NIPSNAP1: variants seen among roughly 807,000 people sequenced by gnomAD.
NIPSNAP1 encodes the protein protein NipSnap homolog 1.
A neutral mutation model predicts 49.2 loss-of-function variants in NIPSNAP1; 25 were observed. That is an observed-to-expected ratio of 0.51 (90% CI 0.37 to 0.71). The LOEUF is 0.71. Ranked by LOEUF, NIPSNAP1 falls within the 30% of genes least tolerant of loss-of-function variation. The pLI, the probability that NIPSNAP1 is intolerant of heterozygous loss-of-function variation, is 0.00. For missense variants in NIPSNAP1, 294 were observed against 361.0 expected (o/e 0.81, Z 1.50); for synonymous variants, 143 against 140.7 (o/e 1.02, Z -0.12).
Position 29,561,183 on chromosome 22 carries a change from C to A in NIPSNAP1, c.599G>T (p.Trp200Leu). 3 of 1,613,550 alleles carry A rather than the reference C, an allele frequency of 1.9e-6. No homozygotes were observed. Among genetic ancestry groups the A allele is most frequent in the Non-Finnish European group, 2.5e-6 (3 of 1,179,716 alleles). Reference sequence around the variant, plus strand: ...TGCTGCCACTTACCAGTTGTTCCCCCACTCGATCATGGTTCCTGGCTGAAA... The same window carrying A: ...TGCTGCCACTTACCAGTTGTTCCCCAACTCGATCATGGTTCCTGGCTGAAA... ...YKLKPGTMIEWGNNWARAIKY... is the reference protein window; with the variant it reads ...YKLKPGTMIELGNNWARAIKY... Residue 200 changes from tryptophan to leucine, a missense_variant, in exon 7 of 10, where the codon TGG (tryptophan) becomes TTG (leucine). Trp to Leu is a moderately conservative substitution (Grantham distance 61). This residue lies in a region of NIPSNAP1 where 146 missense variants were observed against 219.9 expected (regional missense o/e 0.66). Coordinates refer to ENST00000216121, the MANE Select transcript of NIPSNAP1 (RefSeq NM_003634.4).
In NIPSNAP1 at chr22:29,556,023, C is replaced by G. The variant is rs536505777; in HGVS notation, c.791-24G>C. On this transcript the variant is annotated intron_variant, in intron 9 of 9. Coordinates refer to ENST00000216121, the MANE Select transcript of NIPSNAP1 (RefSeq NM_003634.4). ...GACTGCGGAGAGAGAAGGCAGAGGTCACACAGGGGGCTCAAGCAAGCCAAC... is the reference window on the plus strand; with the variant it reads ...GACTGCGGAGAGAGAAGGCAGAGGTGACACAGGGGGCTCAAGCAAGCCAAC... 185 of 1,539,228 alleles carry G rather than the reference C, an allele frequency of 1.2e-4. 3 individuals carry two copies. The South Asian group carries it at 2.0e-3, about 17-fold the overall frequency.
chr22:29,561,139 C>A (rs201701870), intron 7 of NIPSNAP1, 32 bp downstream of exon 7: 1 of 1,601,796 alleles, frequency 6.2e-7, no homozygotes, highest in African/African-American at 1.3e-5. Flanking sequence ...GGGTACGCCT[C>A]CCCCAACCCC....
At chr22:29,561,915 G>T in intron 4 of NIPSNAP1, 53 bp from the exon 5 acceptor site, 1 of 1,581,432 alleles carries the variant, frequency 6.3e-7, no homozygotes. Context: ...CCCAGCAGAT[G>T]ACCTCCTCAA....
chr22:29,555,125 C>G lies in NIPSNAP1; in HGVS notation c.*810G>C, dbSNP rs1474597352. ...GACTGGAACTACACATTTAAGTTTT[C>G]AACCCCAATATGCAGGGGGAAACAG... On this transcript the variant is annotated 3_prime_UTR_variant, in exon 10 of 10. Transcript: ENST00000216121. 1 of 152,502 alleles carries G rather than the reference C, an allele frequency of 6.6e-6. No individual in the cohort carries two copies. Among genetic ancestry groups the G allele is most frequent in the Non-Finnish European group, 1.5e-5 (1 of 68,148 alleles). 9.4% of individuals were successfully genotyped at this position (152,502 alleles called of 1,614,324 possible).
rs1339023644 is a variant in NIPSNAP1 at position 29,555,698 on chromosome 22, A to C, written c.*237T>G. On this transcript the variant is annotated 3_prime_UTR_variant, in exon 10 of 10. Transcript: ENST00000216121. ...AAAGATCACTATCTTTCATTCAGGG[A>C]AATCAGAAACTACTTCTAGCAGGGG... is the stretch of plus-strand genomic sequence containing the variant. 13 of 557,968 alleles carry C rather than the reference A, an allele frequency of 2.3e-5. No individual in the cohort carries two copies. The highest frequency in any genetic ancestry group is 9.5e-5 in the African/African-American group (5 of 52,868). 34.6% of individuals were successfully genotyped at this position (557,968 alleles called of 1,614,324 possible). A position where few individuals can be genotyped will look rare whatever the true frequency, so the allele number is the denominator to read the frequency against.
In NIPSNAP1 at chr22:29,561,490, T is replaced by C. The variant is rs1226991610; in HGVS notation, c.579+16A>G. 2 of 1,613,718 alleles carry C rather than the reference T, an allele frequency of 1.2e-6. No individual in the cohort carries two copies. The highest frequency in any genetic ancestry group is 1.7e-5 in the Admixed American group (1 of 59,986). On this transcript the variant is annotated intron_variant, in intron 6 of 9. Coordinates refer to ENST00000216121, the MANE Select transcript of NIPSNAP1 (RefSeq NM_003634.4). ...GGAAATTGGGGGGCAGGAGGGGGTC[T>C]GTCGGAGGGAGGCACCTTGAGCTTG...
intron 9 of NIPSNAP1, among the ~76,000 whole-genome samples, chr22:29,556,916 A>ATT (rs1422573332): frequency 1.3e-5 from 2 of 149,986 alleles, no homozygotes; most frequent in East Asian, 2.0e-4. Context: ...TGCCTGGCTA[A>ATT]TTTTGTATTT....
intron 1 of NIPSNAP1, among the ~76,000 whole-genome samples, chr22:29,578,166 G>T (rs1315837587): frequency 6.6e-6 from 1 of 151,000 alleles, no homozygotes; most frequent in Non-Finnish European, 1.5e-5. Context: ...AAAGTGCTAG[G>T]ATTACAGGTG....
chr22:29,574,191 G>A (rs1170797346), intron 1 of NIPSNAP1, among the ~76,000 whole-genome samples: 5 of 144,942 alleles, frequency 3.4e-5, no homozygotes, highest in African/African-American at 1.3e-4. Flanking sequence ...TCCAGGAGGC[G>A]GAGGCTGCAG....
intron 1 of NIPSNAP1, among the ~76,000 whole-genome samples, chr22:29,573,768 CAA>C (rs695672): frequency 2.2e-4 from 28 of 125,108 alleles, no homozygotes; most frequent in East Asian, 3.4e-4. Flanking sequence ...AACTCTGTCT[CAA>C]AAAAAAAAAA....
At chr22:29,570,574 G>C (rs757684607) in intron 1 of NIPSNAP1, 42 bp from the exon 2 acceptor site, 4 of 1,597,206 alleles carry the variant, frequency 2.5e-6, no homozygotes, top group Non-Finnish European at 3.4e-6. Flanking sequence ...GGAGGTTGGG[G>C]GAGCCCCAGC....
At chr22:29,579,142 G>A (rs1426131353) in intron 1 of NIPSNAP1, among the ~76,000 whole-genome samples, 1 of 150,798 alleles carries the variant, frequency 6.6e-6, no homozygotes, top group South Asian at 2.1e-4. Flanking sequence ...GCGTGATCTC[G>A]GCTCACTGCA....
At chr22:29,572,732 G>A (rs1197002470) in intron 1 of NIPSNAP1, among the ~76,000 whole-genome samples, 1 of 152,046 alleles carries the variant, frequency 6.6e-6, no homozygotes, top group Non-Finnish European at 1.5e-5. Context: ...CTGGGAGGTT[G>A]AGGCTGCAGT....
At position 29,560,396 on chromosome 22, in the gene NIPSNAP1, C is replaced by T. The variant is rs529568807; in HGVS notation, c.706+338G>A. Among the ~76,000 whole-genome samples, 45 of 152,142 alleles carry T rather than the reference C, an allele frequency of 3.0e-4. No individual in the cohort carries two copies. The South Asian group carries it at 8.9e-3, about 30-fold the overall frequency. On this transcript the variant is annotated intron_variant, in intron 8 of 9. Coordinates refer to ENST00000216121, the MANE Select transcript of NIPSNAP1 (RefSeq NM_003634.4). ...CCGAGTATCTGGGACTACAGGCATG[C>T]GCCACCACGCCCAGCTAATTTTTGT...
Position 29,561,784 on chromosome 22 carries a change from T to C in NIPSNAP1, c.438+8A>G. On this transcript the variant is annotated splice_region_variant and intron_variant, in intron 5 of 9. Coordinates refer to ENST00000216121, the MANE Select transcript of NIPSNAP1 (RefSeq NM_003634.4). ...CCAGAGAGGTGTGCTGAGTGGACACTAACATACCTTATTGTTTTTGAGCTT... is the reference window on the plus strand; with the variant it reads ...CCAGAGAGGTGTGCTGAGTGGACACCAACATACCTTATTGTTTTTGAGCTT... 2 of 1,614,032 alleles carry C rather than the reference T, an allele frequency of 1.2e-6. No homozygotes were observed. Among genetic ancestry groups the C allele is most frequent in the Middle Eastern group, 1.6e-4 (1 of 6,062 alleles).
intron 1 of NIPSNAP1, among the ~76,000 whole-genome samples, chr22:29,577,089 T>C (rs1363844270): frequency 1.1e-5 from 1 of 93,548 alleles, no homozygotes; most frequent in South Asian, 3.6e-4. Flanking sequence ...TTTTCTTCTA[T>C]TTTTTTTTTC....
chr22:29,569,652 A>T (rs1434695415), intron 3 of NIPSNAP1, among the ~76,000 whole-genome samples: 1 of 147,400 alleles, frequency 6.8e-6, no homozygotes, highest in African/African-American at 2.5e-5. Context: ...GCTCACTGGA[A>T]CCTCCGCCTC....
chr22:29,560,130 T>G (rs1408534787), intron 8 of NIPSNAP1, among the ~76,000 whole-genome samples: 1 of 152,136 alleles, frequency 6.6e-6, no homozygotes, highest in Non-Finnish European at 1.5e-5. Flanking sequence ...CACAGCTGGC[T>G]CCTTCTCATC....
Position 29,581,098 on chromosome 22 carries a change from G to T in NIPSNAP1, c.-16C>A, listed in dbSNP as rs1056183831. ...GCGGAGCCATGTTGGAGCCGCAAAG[G>T]TTGCAGGAAGGCCCCGCCCCCAAGC... On this transcript the variant is annotated 5_prime_UTR_variant, in exon 1 of 10. Transcript: ENST00000216121. 56 of 1,539,984 alleles carry T rather than the reference G, an allele frequency of 3.6e-5. No homozygotes were observed. In the African/African-American group the frequency reaches 4.4e-4, roughly 12 times the overall value.
Sources: allele counts gnomAD v4.1 joint callset (sites outside exome capture counted in the v4.1 genomes callset), GRCh38; gene constraint gnomAD v4.1.1; regional missense constraint gnomAD v4.1.1; transcripts MANE v1.5; gene names NCBI Gene and HGNC (gene_info 2026-07-23, HGNC 2026-07-21).